C2orf72: variants seen among roughly 807,000 people sequenced by gnomAD.
C2orf72 encodes the protein chromosome 2 open reading frame 72, also known as uncharacterized protein C2orf72.
A neutral mutation model predicts 14.4 loss-of-function variants in C2orf72; 16 were observed. The observed-to-expected ratio is 1.11, with a 90% CI of 0.75 to 1.69. The LOEUF (loss-of-function observed/expected upper bound fraction) is 1.69, where lower values mean the gene tolerates loss of function less well. Among genes scored for constraint, C2orf72 ranks in the 40% most tolerant of loss-of-function variants. The pLI is 0.00. For synonymous variants in C2orf72, 168 were observed against 176.8 expected (o/e 0.95, Z 0.40); for missense variants, 371 against 358.3 (o/e 1.04, Z -0.29).
intron 1 of C2orf72, 27 bp downstream of exon 1, chr2:231,038,226 C>G: frequency 2.5e-6 from 3 of 1,177,332 alleles, no homozygotes; most frequent in Non-Finnish European, 3.1e-6. Context: ...CCCGGCTGGG[C>G]GCGGGCGGGC....
Position 231,047,887 on chromosome 2 carries a change from A to G in C2orf72, c.*866A>G, listed in dbSNP as rs2125139908. The G allele has an allele frequency of 6.6e-6, 1 of 152,554 alleles. No homozygotes were observed. Among genetic ancestry groups the G allele is most frequent in the South Asian group, 2.1e-4 (1 of 4,832 alleles). 9.5% of individuals were successfully genotyped at this position (152,554 alleles called of 1,614,324 possible). ...GCCACACATGCCGGTGAGAACAAAG[A>G]GCCTCTTTCTTTCTCATGTTGACAT... is the stretch of plus-strand genomic sequence containing the variant. On this transcript the variant is annotated 3_prime_UTR_variant, in exon 3 of 3. Transcript: ENST00000373640.
intron 1 of C2orf72, among the ~76,000 whole-genome samples, chr2:231,039,915 G>GT (rs1006479660): frequency 2.6e-5 from 4 of 151,836 alleles, no homozygotes; most frequent in Admixed American, 2.6e-4. Context: ...GCTAATTTTT[G>GT]TTTTTTTGGT....
At position 231,049,223 on chromosome 2, in the gene C2orf72, C is replaced by T. The variant is rs541772658; in HGVS notation, c.*2202C>T. On this transcript the variant is annotated 3_prime_UTR_variant, in exon 3 of 3. Coordinates refer to ENST00000373640, the MANE Select transcript of C2orf72 (RefSeq NM_001144994.2). ...GCATGTGAGTTTGTAGCCTCTGCTC[C>T]AAAGGATGGTTTACACATTATTTTT... The T allele has an allele frequency of 6.6e-6, 1 of 152,244 alleles. No individual in the cohort carries two copies. Among genetic ancestry groups the T allele is most frequent in the Non-Finnish European group, 1.5e-5 (1 of 68,030 alleles). 9.4% of individuals were successfully genotyped at this position (152,244 alleles called of 1,614,324 possible). A position where few individuals can be genotyped will look rare whatever the true frequency, so the allele number is the denominator to read the frequency against.
chr2:231,041,238 C>A, intron 1 of C2orf72, 58 bp from the exon 2 acceptor site: 2 of 1,219,044 alleles, frequency 1.6e-6, no homozygotes, highest in Non-Finnish European at 2.3e-6. Flanking sequence ...CGAAATCTCT[C>A]AGTCTTGTGA....
Position 231,047,122 on chromosome 2 carries a change from C to T in C2orf72, c.*101C>T. 1 of 1,418,522 alleles carries T rather than the reference C, an allele frequency of 7.0e-7. No homozygotes were observed. The highest frequency in any genetic ancestry group is 9.7e-7 in the Non-Finnish European group (1 of 1,029,316). 87.9% of individuals were successfully genotyped at this position (1,418,522 alleles called of 1,614,324 possible). A position where few individuals can be genotyped will look rare whatever the true frequency, so the allele number is the denominator to read the frequency against. ...TCCATGGAGACTGCAGAAACCCCCG[C>T]CTGCTGGAGGCCTGCCACACTCACA... On this transcript the variant is annotated 3_prime_UTR_variant, in exon 3 of 3. Coordinates refer to ENST00000373640, the MANE Select transcript of C2orf72 (RefSeq NM_001144994.2).
At position 231,046,874 on chromosome 2, in the gene C2orf72, T is replaced by A. The variant is rs1235443256; in HGVS notation, c.749-8T>A. The A allele has an allele frequency of 6.5e-7, 1 of 1,546,902 alleles. No individual in the cohort carries two copies. Among genetic ancestry groups the A allele is most frequent in the Non-Finnish European group, 8.7e-7 (1 of 1,143,812 alleles). ...TCTGATTCAGTGATTTCTTCTCCTG[T>A]GTTCCAGAAGACTTCCAGGAACCTG... On this transcript the variant is annotated splice_polypyrimidine_tract_variant and splice_region_variant and intron_variant, in intron 2 of 2. Coordinates refer to ENST00000373640, the MANE Select transcript of C2orf72 (RefSeq NM_001144994.2).
At chr2:231,042,273 C>G (rs112661857) in intron 2 of C2orf72, among the ~76,000 whole-genome samples, 252 of 152,292 alleles carry the variant, frequency 1.7e-3, no homozygotes, top group African/African-American at 5.5e-3. Flanking sequence ...TGATCCCCCC[C>G]TTATCCACGT....
In C2orf72 at chr2:231,037,890, G is replaced by A. The variant is rs1574687522; in HGVS notation, c.325G>A (p.Val109Met). 2.0e-6 allele frequency: 2 copies of A among 1,013,956 alleles called. No individual in the cohort carries two copies. Among genetic ancestry groups the A allele is most frequent in the East Asian group, 1.1e-4 (1 of 9,482 alleles). The allele number at this position is 1,013,956 out of a possible 1,614,324, so 62.8% of individuals were successfully genotyped here. A position where few individuals can be genotyped will look rare whatever the true frequency, so the allele number is the denominator to read the frequency against. ...ARAIRSPLVF[V>M]LCRASSLAAR... ...CGCCATCCGCTCGCCGCTGGTCTTC[G>A]TGCTGTGCCGCGCGTCGTCGCTGGC... The change falls in exon 1 of 3, where the codon GTG (valine) becomes ATG (methionine). Residue 109 changes from valine to methionine, a missense_variant. Physicochemically the swap from Val to Met is conservative, Grantham distance 21. Coordinates refer to ENST00000373640, the MANE Select transcript of C2orf72 (RefSeq NM_001144994.2).
intron 2 of C2orf72, among the ~76,000 whole-genome samples, chr2:231,044,647 T>C (rs1693386414): frequency 6.6e-6 from 1 of 150,416 alleles, no homozygotes; most frequent in African/African-American, 2.4e-5. Flanking sequence ...CCTTATTTAG[T>C]AGGCTTTTTC....
At chr2:231,042,080 G>A (rs1008964779) in intron 2 of C2orf72, among the ~76,000 whole-genome samples, 5 of 152,088 alleles carry the variant, frequency 3.3e-5, no homozygotes, top group East Asian at 1.9e-4. Flanking sequence ...GGAGGCTGTC[G>A]TGTCCCAGGA....
chr2:231,042,834 A>C (rs186645924), intron 2 of C2orf72, among the ~76,000 whole-genome samples: 54 of 152,196 alleles, frequency 3.5e-4, no homozygotes, highest in African/African-American at 1.3e-3. Context: ...GTGAAACTCT[A>C]TCTCTACTAA....
chr2:231,042,707 G>C (rs1693359395), intron 2 of C2orf72, among the ~76,000 whole-genome samples: 1 of 152,208 alleles, frequency 6.6e-6, no homozygotes, highest in Non-Finnish European at 1.5e-5. Flanking sequence ...TGCTGCATAA[G>C]AAATGATCGC....
At chr2:231,043,119 G>C (rs1054167265) in intron 2 of C2orf72, among the ~76,000 whole-genome samples, 4 of 152,254 alleles carry the variant, frequency 2.6e-5, no homozygotes, top group African/African-American at 9.6e-5. Flanking sequence ...AGAGGCCCCT[G>C]CCATTCCTTG....
intron 1 of C2orf72, among the ~76,000 whole-genome samples, chr2:231,040,788 AGTAAATT>A (rs540554183): frequency 7.2e-5 from 11 of 152,344 alleles, no homozygotes; most frequent in Middle Eastern, 3.4e-3. Context: ...GCGGGTTAAG[AGTAAATT>A]GGTCCTGAAT....
chr2:231,044,008 G>A (rs1693377110), intron 2 of C2orf72, among the ~76,000 whole-genome samples: 1 of 152,188 alleles, frequency 6.6e-6, no homozygotes. Flanking sequence ...GCAGGTTACT[G>A]TCCTGAATAT....
At chr2:231,041,237 TCA>T in intron 1 of C2orf72, 57 bp from the exon 2 acceptor site, 2 of 1,218,028 alleles carry the variant, frequency 1.6e-6, no homozygotes, top group East Asian at 2.8e-5. Flanking sequence ...ACGAAATCTC[TCA>T]GTCTTGTGAA....
chr2:231,038,125 G>A lies in C2orf72; in HGVS notation c.560G>A (p.Gly187Asp). ...GTGCAGGCGGCCGCCTACTGCCCCG[G>A]CCTCCCGGCCTCCTGCCTGGCCGTC... The part of the protein sequence containing the change: ...GPVQAAAYCP[G>D]LPASCLAVQA... The change falls in exon 1 of 3, where the codon GGC becomes GAC. Residue 187 changes from glycine to aspartate, a missense_variant. This residue lies in a region of C2orf72 where 145 missense variants were observed against 149.4 expected (regional missense o/e 0.97). Transcript: ENST00000373640. 8.6e-7 allele frequency: 1 copy of A among 1,169,318 alleles called. No homozygotes were observed. Among genetic ancestry groups the A allele is most frequent in the Admixed American group, 4.6e-5 (1 of 21,522 alleles). The allele number at this position is 1,169,318 out of a possible 1,614,324, so 72.4% of individuals were successfully genotyped here.
chr2:231,047,079 C>CT lies in C2orf72; in HGVS notation c.*60dup, dbSNP rs1246578531. On this transcript the variant is annotated 3_prime_UTR_variant, in exon 3 of 3. Transcript: ENST00000373640. ...CCTACAGACTGGGGCCTGGCTCCGT[C>CT]TTACTGGCCCCCAGGTCTCCATGGA... The CT allele has an allele frequency of 3.2e-6, 5 of 1,547,432 alleles. 1 individual carries two copies. The South Asian group carries it at 6.0e-5, about 18-fold the overall frequency.
intron 2 of C2orf72, among the ~76,000 whole-genome samples, chr2:231,042,164 A>G (rs1693352963): frequency 6.6e-6 from 1 of 152,128 alleles, no homozygotes; most frequent in Admixed American, 6.5e-5. Flanking sequence ...AGCCACTCCT[A>G]GGTGGAATCA....
Sources: gnomAD v4.1 joint callset for allele counts (sites outside exome capture counted in the v4.1 genomes callset) on GRCh38, gnomAD v4.1.1 for gene constraint, gnomAD v4.1.1 regional missense constraint, MANE v1.5 for transcripts, NCBI Gene and HGNC (gene_info 2026-07-23, HGNC 2026-07-21) for gene names.